ALMS1: variants seen among roughly 807,000 people sequenced by gnomAD.
ALMS1 encodes the protein centrosome-associated protein ALMS1.
Under a neutral mutation model 352.2 loss-of-function variants are expected in ALMS1, and 271 were observed. The observed-to-expected ratio is 0.77, with a 90% confidence interval of 0.70 to 0.85. The LOEUF (loss-of-function observed/expected upper bound fraction) is 0.85, where lower values mean the gene tolerates loss of function less well. Among genes scored for constraint, ALMS1 ranks in the 40% least tolerant of loss-of-function variants. The pLI is 0.00. For missense variants in ALMS1, 5,445 were observed against 4,870.7 expected (o/e 1.12, Z -3.51); for synonymous variants, 1,865 against 1,761.2 (o/e 1.06, Z -1.48).
At chr2:73,531,109 G>A (rs1419731703) in intron 11 of ALMS1, among the ~76,000 whole-genome samples, 1 of 152,244 alleles carries the variant, frequency 6.6e-6, no homozygotes, top group Admixed American at 6.5e-5. Context: ...GCAAATTTCT[G>A]CAGCCAGCTT....
In ALMS1 at chr2:73,436,155, G is replaced by C. The variant is rs530327923; in HGVS notation, c.1432+3864G>C. Among the ~76,000 whole-genome samples the C allele has an allele frequency of 2.7e-4, 41 of 152,218 alleles. 1 individual carries two copies. In the South Asian group the frequency reaches 8.1e-3, roughly 30 times the overall value. ...TTTGAAAGATAGTTTTGCTGGGCTT[G>C]GAATTCTTGGTTGACAGTCTTTTTC... On this transcript the variant is annotated intron_variant, in intron 7 of 22. Coordinates refer to ENST00000613296, the MANE Select transcript of ALMS1 (RefSeq NM_001378454.1).
At chr2:73,559,394 T>A (rs1302762499) in intron 15 of ALMS1, among the ~76,000 whole-genome samples, 2 of 152,046 alleles carry the variant, frequency 1.3e-5, no homozygotes, top group Admixed American at 1.3e-4. Flanking sequence ...GGATTATAAA[T>A]AAATACCTAA....
chr2:73,519,820 A>G lies in ALMS1; in HGVS notation c.9585A>G (p.Lys3195=). The change falls in exon 11 of 23, where the codon AAA becomes AAG. Residue 3195 remains lysine (K), a synonymous_variant. Coordinates refer to ENST00000613296, the MANE Select transcript of ALMS1 (RefSeq NM_001378454.1). ...CCCCACTTTCTGCTTTCTCTGAAAA[A>G]TTGTCATCTGATGCAGTCACTCAGA... ...MKTPLSAFSE[K]LSSDAVTQIT... 6.2e-7 allele frequency: 1 copy of G among 1,614,054 alleles called. No homozygotes were observed. Among genetic ancestry groups the G allele is most frequent in the Non-Finnish European group, 8.5e-7 (1 of 1,179,936 alleles).
At position 73,599,336 on chromosome 2, in the gene ALMS1, T is replaced by G. The variant is rs878994466; in HGVS notation, c.11548-65T>G. 7 of 1,599,388 alleles carry G rather than the reference T, an allele frequency of 4.4e-6. No homozygotes were observed. The South Asian group carries it at 5.5e-5, about 13-fold the overall frequency. On this transcript the variant is annotated intron_variant, in intron 16 of 22. Coordinates refer to ENST00000613296, the MANE Select transcript of ALMS1 (RefSeq NM_001378454.1). Reference sequence around the variant, plus strand: ...TAGAAAGAGGACTTGTTGGCTTGCTTATCCTGTGGATAACTGTGACATTGA... The same window carrying G: ...TAGAAAGAGGACTTGTTGGCTTGCTGATCCTGTGGATAACTGTGACATTGA...
intron 10 of ALMS1, among the ~76,000 whole-genome samples, chr2:73,506,213 A>G (rs1673317082): frequency 6.6e-6 from 1 of 152,206 alleles, no homozygotes; most frequent in Non-Finnish European, 1.5e-5. Context: ...GTTTGAAGTC[A>G]GGTAGCATGA....
chr2:73,532,500 T>A (rs1673935381), intron 11 of ALMS1, among the ~76,000 whole-genome samples: 2 of 152,200 alleles, frequency 1.3e-5, no homozygotes, highest in Non-Finnish European at 2.9e-5. Flanking sequence ...TCACTCCCCA[T>A]GGCCACCACT....
chr2:73,403,585 A>G (rs1423018746), intron 1 of ALMS1, among the ~76,000 whole-genome samples: 2 of 152,018 alleles, frequency 1.3e-5, no homozygotes, highest in Non-Finnish European at 2.9e-5. Context: ...TGGCATTTTC[A>G]TAAGGATTGT....
At chr2:73,608,865 G>C (rs1675879983) in intron 22 of ALMS1, among the ~76,000 whole-genome samples, 1 of 152,234 alleles carries the variant, frequency 6.6e-6, no homozygotes, top group African/African-American at 2.4e-5. Context: ...AGAAATACCA[G>C]AATTATCAGG....
At chr2:73,513,442 T>C (rs2103948678) in intron 10 of ALMS1, among the ~76,000 whole-genome samples, 1 of 152,238 alleles carries the variant, frequency 6.6e-6, no homozygotes, top group East Asian at 1.9e-4. Flanking sequence ...TTGTTTAGGA[T>C]TTGACTCAAG....
In ALMS1 at chr2:73,453,477, T is replaced by C. The variant is rs185469456; in HGVS notation, c.6950T>C (p.Leu2317Pro). 4.6e-5 allele frequency: 75 copies of C among 1,613,438 alleles called. No individual in the cohort carries two copies. The African/African-American group carries it at 9.5e-4, about 20-fold the overall frequency. Residue 2317 changes from leucine to proline, a missense_variant, in exon 8 of 23, where the codon CTT (leucine) becomes CCT (proline). By Grantham distance (98) the Leu-to-Pro change is moderately conservative. Transcript: ENST00000613296. ...SSTGVSNGDL[L>P]HRQPFTEESP... ...ACGGGTGTATCTAATGGTGATTTGC[T>C]TCACAGACAGCCATTCACAGAGGAA...
intron 12 of ALMS1, among the ~76,000 whole-genome samples, chr2:73,545,253 T>A (rs1674289349): frequency 6.6e-6 from 1 of 150,786 alleles, no homozygotes; most frequent in Admixed American, 6.7e-5. Flanking sequence ...CAATCTCAGC[T>A]CACTGCAGCC....
At chr2:73,545,952 T>TTA (rs942073928) in intron 12 of ALMS1, among the ~76,000 whole-genome samples, 7 of 152,200 alleles carry the variant, frequency 4.6e-5, no homozygotes, top group African/African-American at 1.7e-4. Context: ...TTGGGTATGA[T>TTA]TCTAGAGTTT....
chr2:73,604,232 G>T (rs1675765481), intron 21 of ALMS1, among the ~76,000 whole-genome samples: 2 of 152,070 alleles, frequency 1.3e-5, no homozygotes, highest in Non-Finnish European at 2.9e-5. Flanking sequence ...TTAGCTACTC[G>T]TTAATTAATT....
Position 73,489,747 on chromosome 2 carries a change from A to G in ALMS1, c.7788A>G (p.Gln2596=). 2 of 1,614,178 alleles carry G rather than the reference A, an allele frequency of 1.2e-6. No individual in the cohort carries two copies. Among genetic ancestry groups the G allele is most frequent in the African/African-American group, 1.3e-5 (1 of 75,034 alleles). ...CFRTLTSEHP[Q]LDRHPCAFRS... ...GGACTCTAACTTCTGAACATCCACA[A>G]CTAGATAGACACCCTTGTGCTTTCA... is the stretch of plus-strand genomic sequence containing the variant. The change falls in exon 10 of 23, where the codon CAA becomes CAG. Residue 2596 remains glutamine (Q), a synonymous_variant. Transcript: ENST00000613296.
chr2:73,464,494 G>A (rs578153408), intron 9 of ALMS1, among the ~76,000 whole-genome samples: 47 of 152,286 alleles, frequency 3.1e-4, no homozygotes, highest in African/African-American at 1.0e-3. Context: ...ATATCATACC[G>A]AATGGGCAAA....
At chr2:73,395,593 C>T (rs557370177) in intron 1 of ALMS1, among the ~76,000 whole-genome samples, 48 of 151,932 alleles carry the variant, frequency 3.2e-4, no homozygotes, top group African/African-American at 1.1e-3. Context: ...TTGGGTTATT[C>T]GTTGTAGATG....
chr2:73,504,700 C>T (rs929335741), intron 10 of ALMS1, among the ~76,000 whole-genome samples: 1 of 151,838 alleles, frequency 6.6e-6, no homozygotes, highest in African/African-American at 2.4e-5. Flanking sequence ...GTTTCCAATG[C>T]TTATTACTAA....
intron 7 of ALMS1, among the ~76,000 whole-genome samples, chr2:73,435,624 G>A (rs1343318472): frequency 2.0e-5 from 3 of 148,256 alleles, no homozygotes; most frequent in South Asian, 2.1e-4. Flanking sequence ...TTTTTTAGTC[G>A]GGGACTTGCT....
chr2:73,491,154 T>A lies in ALMS1; in HGVS notation c.9195T>A (p.Asp3065Glu). The A allele has an allele frequency of 6.2e-7, 1 of 1,614,200 alleles. No individual in the cohort carries two copies. The highest frequency in any genetic ancestry group is 1.1e-5 in the South Asian group (1 of 91,078). ...CCAAGTTGGATAGTGGAACTTTAGA[T>A]GAAAGATTCCATTCATTGGATGCTG... is the stretch of plus-strand genomic sequence containing the variant. ...TSSKLDSGTLDERFHSLDAAS... is the reference protein window; with the variant it reads ...TSSKLDSGTLEERFHSLDAAS... Residue 3065 changes from aspartate (D) to glutamate (E), a missense_variant, in exon 10 of 23, where the codon GAT becomes GAA. Asp to Glu is a conservative substitution (Grantham distance 45). Coordinates refer to ENST00000613296, the MANE Select transcript of ALMS1 (RefSeq NM_001378454.1).
Sources: allele counts gnomAD v4.1 joint callset (sites outside exome capture counted in the v4.1 genomes callset), GRCh38; gene constraint gnomAD v4.1.1; transcripts MANE v1.5; gene names NCBI Gene and HGNC (gene_info 2026-07-23, HGNC 2026-07-21).